Variants in LRRC42 observed in about 807,000 individuals in gnomAD.
LRRC42 encodes the protein leucine rich repeat containing 42, also known as leucine-rich repeat-containing protein 42.
In LRRC42, 43 loss-of-function variants were observed where a neutral mutation model predicts 44.3. That is an observed-to-expected ratio of 0.97 (90% confidence interval 0.76 to 1.25). The LOEUF is 1.25. LRRC42 is among the 50% of genes most tolerant of loss of function. LRRC42 has a pLI of 0.00. For synonymous variants in LRRC42, 207 were observed against 195.2 expected, an observed-to-expected ratio of 1.06 and a Z score of -0.50; for missense variants, 540 against 509.1, an observed-to-expected ratio of 1.06 and a Z score of -0.58.
chr1:53,952,062 T>A lies in LRRC42; in HGVS notation c.63T>A (p.Asn21Lys). ...CAGGGCCCATCTACATGCGAGAAAATGGGCAGCTGCACATGGTCAATCTGG... is the reference window on the plus strand; with the variant it reads ...CAGGGCCCATCTACATGCGAGAAAAAGGGCAGCTGCACATGGTCAATCTGG... ...LDPGPIYMRE[N>K]GQLHMVNLAL... Residue 21 changes from asparagine (N) to lysine (K), a missense_variant, in exon 3 of 9, where the codon AAT becomes AAA. Asn to Lys is a moderately conservative substitution (Grantham distance 94, BLOSUM62 0). Coordinates refer to ENST00000371370, the MANE Select transcript of LRRC42 (RefSeq NM_001256409.2). 6.2e-7 allele frequency: 1 copy of A among 1,614,102 alleles called. No individual in the cohort carries two copies. The highest frequency in any genetic ancestry group is 8.5e-7 in the Non-Finnish European group (1 of 1,180,030).
chr1:53,954,808 T>C (rs1278327499), intron 3 of LRRC42, among the ~76,000 whole-genome samples: 1 of 152,232 alleles, frequency 6.6e-6, no homozygotes, highest in African/African-American at 2.4e-5. Flanking sequence ...GGACATAAAT[T>C]AGTGTAGCAT....
At chr1:53,965,602 C>T (rs995422033) in intron 7 of LRRC42, among the ~76,000 whole-genome samples, 4 of 151,630 alleles carry the variant, frequency 2.6e-5, no homozygotes, top group African/African-American at 9.7e-5. Flanking sequence ...GCCCCAGCCT[C>T]CCGAGTAGCT....
chr1:53,960,239 T>C, intron 4 of LRRC42, 117 bp from the exon 5 acceptor site: 1 of 715,742 alleles, frequency 1.4e-6, no homozygotes, highest in Non-Finnish European at 2.3e-6. Flanking sequence ...GGGTATGAAA[T>C]AGCAAGAGGT....
chr1:53,955,673 G>C (rs1306119823), intron 3 of LRRC42, among the ~76,000 whole-genome samples: 1 of 144,110 alleles, frequency 6.9e-6, no homozygotes, highest in Non-Finnish European at 1.5e-5. Context: ...CTGTCACCCA[G>C]GCTGGAGTGC....
At chr1:53,946,824 A>G (rs1311619544) in intron 1 of LRRC42, among the ~76,000 whole-genome samples, 1 of 149,384 alleles carries the variant, frequency 6.7e-6, no homozygotes, top group Non-Finnish European at 1.5e-5. Context: ...GGGGAGAGGC[A>G]TGCTTGGGGA....
intron 2 of LRRC42, among the ~76,000 whole-genome samples, chr1:53,950,738 G>A (rs1654652566): frequency 6.6e-6 from 1 of 152,104 alleles, no homozygotes; most frequent in Non-Finnish European, 1.5e-5. Context: ...TGGTTACTCA[G>A]GAGGAAAACA....
chr1:53,956,911 G>A (rs1002694701), intron 3 of LRRC42, among the ~76,000 whole-genome samples: 18 of 152,172 alleles, frequency 1.2e-4, no homozygotes, highest in African/African-American at 4.3e-4. Context: ...ATTGGAAGGT[G>A]GAAAACAGCA....
chr1:53,954,968 A>T (rs377415112), intron 3 of LRRC42, among the ~76,000 whole-genome samples: 1 of 152,262 alleles, frequency 6.6e-6, no homozygotes, highest in South Asian at 2.1e-4. Context: ...AAGAGTGTTC[A>T]TTGTAGTACT....
chr1:53,967,926 TA>T lies in LRRC42; in HGVS notation c.1277del (p.Asn426IlefsTer5). 1 of 1,613,474 alleles carries T rather than the reference TA, an allele frequency of 6.2e-7. No homozygotes were observed. The highest frequency in any genetic ancestry group is 8.5e-7 in the Non-Finnish European group (1 of 1,179,486). The part of the protein sequence containing the change: ...VCLAVEDWDL[L>X]NSY ...CTTGCTGTGGAAGACTGGGACTTGT[TA>T]AATTCCTATTGATTAGTAGATACAA... On this transcript the variant is annotated frameshift_variant, in exon 9 of 9. Transcript: ENST00000371370. LOFTEE classifies it high-confidence loss of function.
At chr1:53,962,588 G>A (rs1016424686) in intron 7 of LRRC42, among the ~76,000 whole-genome samples, 179 bp downstream of exon 7, 3 of 152,170 alleles carry the variant, frequency 2.0e-5, no homozygotes, top group Admixed American at 6.5e-5. Context: ...AAGAATTGGC[G>A]CCAGACCTTA....
chr1:53,961,095 C>A (rs1398470100), intron 5 of LRRC42, among the ~76,000 whole-genome samples: 1 of 152,150 alleles, frequency 6.6e-6, no homozygotes, highest in Non-Finnish European at 1.5e-5. Flanking sequence ...TTGGTTTTGG[C>A]CTTTGTAAAA....
At chr1:53,967,360 T>C (rs900672253) in intron 8 of LRRC42, among the ~76,000 whole-genome samples, 1 of 152,196 alleles carries the variant, frequency 6.6e-6, no homozygotes, top group Non-Finnish European at 1.5e-5. Context: ...ATCACCCTTA[T>C]GAAATAGGTT....
At chr1:53,961,469 A>G (rs1368358764) in intron 5 of LRRC42, among the ~76,000 whole-genome samples, 1 of 152,116 alleles carries the variant, frequency 6.6e-6, no homozygotes, top group Non-Finnish European at 1.5e-5. Context: ...GTATTCATTC[A>G]ACAAATATTT....
chr1:53,951,689 T>A (rs1295306386), intron 2 of LRRC42, among the ~76,000 whole-genome samples: 1 of 152,162 alleles, frequency 6.6e-6, no homozygotes, highest in Non-Finnish European at 1.5e-5. Context: ...CCTCCCAAAG[T>A]GCTGAGATTA....
chr1:53,953,922 G>A (rs1354850309), intron 3 of LRRC42, among the ~76,000 whole-genome samples: 1 of 151,722 alleles, frequency 6.6e-6, no homozygotes, highest in East Asian at 1.9e-4. Context: ...TAGTAGATAC[G>A]GGGTTTCACC....
At chr1:53,954,373 A>C (rs1477240539) in intron 3 of LRRC42, among the ~76,000 whole-genome samples, 2 of 152,240 alleles carry the variant, frequency 1.3e-5, no homozygotes, top group African/African-American at 4.8e-5. Context: ...ACCTTGCCTA[A>C]ATGAAAAAGT....
At chr1:53,951,081 A>G (rs1654665672) in intron 2 of LRRC42, among the ~76,000 whole-genome samples, 1 of 152,240 alleles carries the variant, frequency 6.6e-6, no homozygotes, top group African/African-American at 2.4e-5. Flanking sequence ...CCAAAGCAGC[A>G]GATGGCAGAC....
chr1:53,949,339 T>G (rs1163201870), intron 2 of LRRC42, among the ~76,000 whole-genome samples: 3 of 152,160 alleles, frequency 2.0e-5, no homozygotes, highest in Non-Finnish European at 4.4e-5. Context: ...GGGTGAGGGT[T>G]GGGGGCAATA....
chr1:53,965,021 T>TTTTTTTTTTTTTTTTC (rs1655091979), intron 7 of LRRC42, among the ~76,000 whole-genome samples: 1 of 150,492 alleles, frequency 6.6e-6, no homozygotes, highest in African/African-American at 2.5e-5. Flanking sequence ...TTTTTTTTTT[T>TTTTTTTTTTTTTTTTC]TGGAGACAGA....
Sources: allele counts gnomAD v4.1 joint callset (sites outside exome capture counted in the v4.1 genomes callset), GRCh38; gene constraint gnomAD v4.1.1; transcripts MANE v1.5; gene names NCBI Gene and HGNC (gene_info 2026-07-23, HGNC 2026-07-21).